ZSCAN25: variants seen among roughly 807,000 people sequenced by gnomAD.
ZSCAN25 encodes zinc finger and SCAN domain-containing protein 25.
Under a neutral mutation model 38.7 loss-of-function variants are expected in ZSCAN25, and 27 were observed. That is an observed-to-expected ratio of 0.70 (90% CI 0.51 to 0.96). The LOEUF (loss-of-function observed/expected upper bound fraction) is 0.96. ZSCAN25 is among the 40% of genes least tolerant of loss of function. The pLI, the probability that ZSCAN25 is intolerant of heterozygous loss-of-function variation, is 0.00. For synonymous variants in ZSCAN25, 273 were observed against 277.7 expected (o/e 0.98, Z 0.17); for missense variants, 637 against 705.9 (o/e 0.90, Z 1.11).
the ZSCAN25 span, among the ~76,000 whole-genome samples, chr7:99,711,228 A>G: frequency 2.0e-5 from 3 of 152,188 alleles, no homozygotes; most frequent in Non-Finnish European, 4.4e-5. Context: ...GAATGATCCT[A>G]AAAGTACTTT....
chr7:99,652,553 C>T, the ZSCAN25 span: 1 of 1,599,160 alleles, frequency 6.3e-7, no homozygotes, highest in South Asian at 1.1e-5. Context: ...AGACTTGTAC[C>T]TTTCAGGGCG....
the ZSCAN25 span, among the ~76,000 whole-genome samples, chr7:99,695,511 C>G: frequency 1.3e-5 from 2 of 152,182 alleles, no homozygotes; most frequent in African/African-American, 4.8e-5. Context: ...TTCTGAACAT[C>G]AGGTTGCCGA....
chr7:99,622,766 C>T, intron 6 of ZSCAN25, 126 bp downstream of exon 6: 1 of 799,594 alleles, frequency 1.3e-6, no homozygotes, highest in South Asian at 1.7e-5. Flanking sequence ...CCTTCCTAGT[C>T]CCGGTGGACC....
At chr7:99,698,382 G>A in the ZSCAN25 span, among the ~76,000 whole-genome samples, 1 of 152,154 alleles carries the variant, frequency 6.6e-6, no homozygotes, top group African/African-American at 2.4e-5. Context: ...TGTGGGGCCA[G>A]GACCCATGAA....
chr7:99,664,305 C>T, the ZSCAN25 span, among the ~76,000 whole-genome samples: 2 of 152,210 alleles, frequency 1.3e-5, no homozygotes, highest in African/African-American at 4.8e-5. Context: ...GCAGTGAGAT[C>T]AATGGCACCT....
chr7:99,631,436 G>T lies in ZSCAN25; in HGVS notation c.*1416G>T. 2.0e-6 allele frequency: 2 copies of T among 985,380 alleles called. No homozygotes were observed. The highest frequency in any genetic ancestry group is 1.2e-6 in the Non-Finnish European group (1 of 829,930). 61.0% of individuals were successfully genotyped at this position (985,380 alleles called of 1,614,324 possible). A position where few individuals can be genotyped will look rare whatever the true frequency, so the allele number is the denominator to read the frequency against. On this transcript the variant is annotated 3_prime_UTR_variant, in exon 8 of 8. Transcript: ENST00000394152. ...CTTCCTTATTGTGCCATCACTTAAG[G>T]GTTTCATTTCTGTTTAAAGTTCTGG...
the ZSCAN25 span, among the ~76,000 whole-genome samples, chr7:99,736,785 G>A: frequency 1.3e-5 from 2 of 152,118 alleles, no homozygotes; most frequent in Non-Finnish European, 2.9e-5. Context: ...TCGGCACCTG[G>A]CCTCAGCAGG....
chr7:99,680,341 C>G, the ZSCAN25 span, among the ~76,000 whole-genome samples: 2 of 152,174 alleles, frequency 1.3e-5, no homozygotes, highest in Non-Finnish European at 2.9e-5. Context: ...CCTGTGCCCT[C>G]TAGATGACTC....
At chr7:99,660,400 T>G in the ZSCAN25 span, 12 of 1,485,854 alleles carry the variant, frequency 8.1e-6, no homozygotes, top group South Asian at 1.7e-4. Context: ...AAGGAATCAG[T>G]GATTATGCTT....
chr7:99,707,848 A>G, the ZSCAN25 span: 1 of 1,614,020 alleles, frequency 6.2e-7, no homozygotes, highest in Admixed American at 1.7e-5. Flanking sequence ...AGAAGTTCTG[A>G]AGGACTCTGA....
At chr7:99,687,234 G>T in the ZSCAN25 span, among the ~76,000 whole-genome samples, 1 of 152,304 alleles carries the variant, frequency 6.6e-6, no homozygotes, top group East Asian at 1.9e-4. Flanking sequence ...CAAGCTACAG[G>T]AGGAACTTCA....
intron 1 of ZSCAN25, 180 bp from the exon 2 acceptor site, chr7:99,618,345 A>G (rs1200695450): frequency 1.3e-5 from 2 of 151,680 alleles, no homozygotes; most frequent in African/African-American, 4.9e-5. Flanking sequence ...GGCAGTTATC[A>G]TCTAGTCTCT....
chr7:99,708,942 A>G, the ZSCAN25 span: 2 of 1,379,320 alleles, frequency 1.4e-6, no homozygotes, highest in South Asian at 2.4e-5. Flanking sequence ...AGACAAGCAA[A>G]CGATTGTACA....
chr7:99,735,122 C>T, the ZSCAN25 span: 1 of 1,613,608 alleles, frequency 6.2e-7, no homozygotes, highest in Non-Finnish European at 8.5e-7. Context: ...TCTCTCTCCT[C>T]TGAGTCTTTT....
At chr7:99,707,995 A>G in the ZSCAN25 span, 4 of 1,613,668 alleles carry the variant, frequency 2.5e-6, no homozygotes, top group Non-Finnish European at 3.4e-6. Context: ...ATTGGTAGAT[A>G]TTTTAAAAGT....
At chr7:99,660,901 G>A in the ZSCAN25 span, among the ~76,000 whole-genome samples, 3,790 of 152,202 alleles carry the variant, frequency 0.025, 155 homozygotes, top group African/African-American at 0.087. Context: ...CCTCATCATG[G>A]CATCCCAGCA....
chr7:99,707,727 G>C, the ZSCAN25 span: 2 of 1,571,198 alleles, frequency 1.3e-6, no homozygotes, highest in East Asian at 2.4e-5. Flanking sequence ...AAAAGATTAA[G>C]TGAGTGTATT....
the ZSCAN25 span, chr7:99,663,009 C>T: frequency 1.3e-4 from 185 of 1,459,802 alleles, no homozygotes; most frequent in African/African-American, 8.5e-4. Context: ...TTCTTGAAGA[C>T]GTGTTACCTG....
chr7:99,642,162 G>T, the ZSCAN25 span, among the ~76,000 whole-genome samples: 2 of 152,150 alleles, frequency 1.3e-5, no homozygotes, highest in South Asian at 2.1e-4. Context: ...CTAACTATCT[G>T]TCATGTTTTT....
Sources: gnomAD v4.1 joint callset for allele counts (sites outside exome capture counted in the v4.1 genomes callset) on GRCh38, gnomAD v4.1.1 for gene constraint, MANE v1.5 for transcripts, NCBI Gene and HGNC (gene_info 2026-07-23, HGNC 2026-07-21) for gene names.